The following TMEM232 variants were observed in gnomAD, a reference collection of about 807,000 sequenced individuals.
The protein encoded by TMEM232 is transmembrane protein 232.
Under a neutral mutation model 78.8 loss-of-function variants are expected in TMEM232, and 80 were observed. That is an observed-to-expected ratio of 1.01 (90% CI 0.85 to 1.22). The LOEUF is 1.22. Among genes scored for constraint, TMEM232 ranks in the 50% most tolerant of loss-of-function variants. TMEM232 has a pLI of 0.00. For missense variants in TMEM232, 881 were observed against 742.2 expected, an observed-to-expected ratio of 1.19 and a Z score of -2.17; for synonymous variants, 297 against 254.3, an observed-to-expected ratio of 1.17 and a Z score of -1.60.
chr5:110,654,143 G>A (rs966051963), intron 2 of TMEM232, among the ~76,000 whole-genome samples: 1 of 152,152 alleles, frequency 6.6e-6, no homozygotes, highest in African/African-American at 2.4e-5. Flanking sequence ...AGTCCCTGCT[G>A]CACTGGGGCC....
chr5:110,396,920 G>GAA (rs2112563887), intron 3 of TMEM232, among the ~76,000 whole-genome samples: 1 of 152,222 alleles, frequency 6.6e-6, no homozygotes, highest in East Asian at 1.9e-4. Flanking sequence ...GCAAAGAGCT[G>GAA]AAAAACTCGT....
At chr5:110,497,285 T>C (rs969402382) in intron 12 of TMEM232, among the ~76,000 whole-genome samples, 2 of 152,136 alleles carry the variant, frequency 1.3e-5, no homozygotes, top group Non-Finnish European at 1.5e-5. Flanking sequence ...TAAAATGTTT[T>C]CTAATCTATA....
chr5:110,421,811 G>A (rs1428245895), intron 13 of TMEM232, among the ~76,000 whole-genome samples: 5 of 152,162 alleles, frequency 3.3e-5, no homozygotes, highest in African/African-American at 1.2e-4. Context: ...ATATACTCAT[G>A]TTAAACATTA....
At chr5:110,666,984 T>A in intron 2 of TMEM232, 2 of 311,390 alleles carry the variant, frequency 6.4e-6, no homozygotes, top group Non-Finnish European at 1.2e-5. Flanking sequence ...TCTCATGCAA[T>A]CTATGCATTA....
chr5:110,691,752 G>A (rs984941572), intron 1 of TMEM232, among the ~76,000 whole-genome samples: 4 of 152,192 alleles, frequency 2.6e-5, no homozygotes, highest in African/African-American at 4.8e-5. Flanking sequence ...CCTACATACC[G>A]TAACCACATA....
intron 2 of TMEM232, among the ~76,000 whole-genome samples, chr5:110,409,786 G>C (rs979426526): frequency 6.6e-5 from 10 of 150,646 alleles, no homozygotes; most frequent in Non-Finnish European, 7.4e-5. Flanking sequence ...TCATTTTTTT[G>C]TGCACATTGT....
chr5:110,490,120 AAAAAGAAAGAAAG>A (rs1308287042), intron 12 of TMEM232, among the ~76,000 whole-genome samples: 8 of 141,308 alleles, frequency 5.7e-5, no homozygotes, highest in African/African-American at 2.2e-4. Flanking sequence ...ACTCCGTTTC[AAAAAGAAAGAAAG>A]AAAGAAAGAA....
intron 2 of TMEM232, among the ~76,000 whole-genome samples, chr5:110,403,238 G>C (rs1226352224): frequency 1.3e-5 from 2 of 151,998 alleles, no homozygotes; most frequent in African/African-American, 2.4e-5. Context: ...AGCAGAATTG[G>C]GAAGCCTACC....
chr5:110,435,899 G>T (rs1173241920), intron 12 of TMEM232, among the ~76,000 whole-genome samples: 1 of 151,918 alleles, frequency 6.6e-6, no homozygotes, highest in African/African-American at 2.4e-5. Context: ...TGGCTATTGT[G>T]AACAATGCTG....
At chr5:110,587,685 ATATATATG>A (rs1474269391) in intron 10 of TMEM232, among the ~76,000 whole-genome samples, 133 of 90,636 alleles carry the variant, frequency 1.5e-3, no homozygotes, top group African/African-American at 6.6e-3. Context: ...ATATATATAT[ATATATATG>A]TGTGTGTGTG....
In TMEM232 at chr5:110,642,346, A is replaced by AT. The variant is rs1316605015; in HGVS notation, c.150dup (p.Phe51IlefsTer22). The AT allele has an allele frequency of 4.6e-6, 7 of 1,526,694 alleles. No individual in the cohort carries two copies. The African/African-American group carries it at 9.8e-5, about 21-fold the overall frequency. 94.6% of individuals were successfully genotyped at this position (1,526,694 alleles called of 1,614,324 possible). On this transcript the variant is annotated frameshift_variant, in exon 3 of 14. Coordinates refer to ENST00000455884, the MANE Select transcript of TMEM232 (RefSeq NM_001039763.4). LOFTEE classifies it high-confidence loss of function. ...TGTGTTTGATTGAATCTCAAGATGAATTCTTTTGTGATTGAAAATGTTGGC... is the reference window on the plus strand; with the variant it reads ...TGTGTTTGATTGAATCTCAAGATGAATTTCTTTTGTGATTGAAAATGTTGGC...
intron 1 of TMEM232, among the ~76,000 whole-genome samples, chr5:110,709,674 T>G (rs980053398): frequency 2.0e-5 from 3 of 152,008 alleles, no homozygotes; most frequent in Non-Finnish European, 4.4e-5. Context: ...ATTTAAAAAT[T>G]TATTGAAACA....
At chr5:110,686,178 T>A (rs993275880) in intron 1 of TMEM232, among the ~76,000 whole-genome samples, 3 of 152,030 alleles carry the variant, frequency 2.0e-5, no homozygotes, top group African/African-American at 7.2e-5. Context: ...TACTTGTGAA[T>A]CTGGGCTTAA....
intron 12 of TMEM232, among the ~76,000 whole-genome samples, chr5:110,519,825 T>C (rs781057603): frequency 6.0e-5 from 9 of 150,616 alleles, no homozygotes; most frequent in Non-Finnish European, 1.2e-4. Flanking sequence ...TGCAACAACA[T>C]GGAGGGAACC....
In TMEM232 at chr5:110,617,132, G is replaced by A. The variant is rs116299407; in HGVS notation, c.902+1297C>T. 6.5e-3 allele frequency among the ~76,000 whole-genome samples: 997 copies of A among 152,296 alleles called. 16 individuals are homozygous for A. Among genetic ancestry groups the A allele is most frequent in the African/African-American group, 0.023 (970 of 41,556 alleles). ...TTCTGTCATTCATAAAAACATGAAT[G>A]GACATCGAGGCATTATGCTAAATGA... On this transcript the variant is annotated intron_variant, in intron 8 of 13. Coordinates refer to ENST00000455884, the MANE Select transcript of TMEM232 (RefSeq NM_001039763.4).
intron 2 of TMEM232, among the ~76,000 whole-genome samples, chr5:110,402,196 G>A (rs891528766): frequency 6.6e-6 from 1 of 151,934 alleles, no homozygotes; most frequent in African/African-American, 2.4e-5. Context: ...TGCAATCCCC[G>A]TTCTAAACCC....
intron 12 of TMEM232, among the ~76,000 whole-genome samples, chr5:110,461,035 C>T (rs554941254): frequency 6.6e-6 from 1 of 152,094 alleles, no homozygotes; most frequent in South Asian, 2.1e-4. Context: ...TATTAATAAT[C>T]CCACAATGGC....
intron 12 of TMEM232, among the ~76,000 whole-genome samples, chr5:110,450,562 T>C (rs1045760404): frequency 1.8e-4 from 28 of 152,262 alleles, no homozygotes; most frequent in Admixed American, 7.2e-4. Flanking sequence ...TTAGCACGAA[T>C]GCAGGTAAAC....
chr5:110,406,710 G>A (rs767536800), intron 2 of TMEM232, among the ~76,000 whole-genome samples: 1 of 152,022 alleles, frequency 6.6e-6, no homozygotes, highest in South Asian at 2.1e-4. Context: ...TATTTATGGT[G>A]TATAATCCAC....
Sources: gnomAD v4.1 joint callset for allele counts (sites outside exome capture counted in the v4.1 genomes callset) on GRCh38, gnomAD v4.1.1 for gene constraint, MANE v1.5 for transcripts, NCBI Gene and HGNC (gene_info 2026-07-23, HGNC 2026-07-21) for gene names.